The following ZFHX3 variants were observed in gnomAD, a reference collection of about 807,000 sequenced individuals.
ZFHX3 encodes the protein zinc finger homeobox protein 3.
ZFHX3 carries 42 observed loss-of-function variants against 279.1 expected under a neutral mutation model. That is an observed-to-expected ratio of 0.15 (90% CI 0.12 to 0.19). The LOEUF (loss-of-function observed/expected upper bound fraction) is 0.19. ZFHX3 is among the 10% of genes least tolerant of loss of function. The probability of loss-of-function intolerance (pLI) is 1.00; values close to 1 mark genes in which losing one functional copy is unlikely to be tolerated. For synonymous variants in ZFHX3, 2,293 were observed against 1,957.8 expected (o/e 1.17, Z -4.52); for missense variants, 4,981 against 4,754.0 (o/e 1.05, Z -1.40).
In ZFHX3 at chr16:72,787,722, G is replaced by GCCGCCGCCGCCA. The variant is rs1555515345; in HGVS notation, c.10553_10554insTGGCGGCGGCGG (p.Gly3524_Gly3527dup). 8.1e-7 allele frequency: 1 copy of GCCGCCGCCGCCA among 1,229,836 alleles called. No individual in the cohort carries two copies. Among genetic ancestry groups the GCCGCCGCCGCCA allele is most frequent in the Non-Finnish European group, 1.0e-6 (1 of 977,444 alleles). 76.2% of individuals were successfully genotyped at this position (1,229,836 alleles called of 1,614,324 possible). On this transcript the variant is annotated inframe_insertion, in exon 10 of 10. Transcript: ENST00000268489. ...CGCCGCCGCCGCCGCCGCCGCCACC[G>GCCGCCGCCGCCA]CCGCCGCCGCCGCCACTGCCACCGC...
intron 4 of ZFHX3, among the ~76,000 whole-genome samples, chr16:72,879,482 A>G (rs1235264790): frequency 6.6e-6 from 1 of 152,110 alleles, no homozygotes; most frequent in African/African-American, 2.4e-5. Context: ...TTGAAGTGCA[A>G]TGGCGCGGCC....
At chr16:73,141,934 T>C (rs969356171) in intron 6 of ZFHX3, among the ~76,000 whole-genome samples, 3 of 152,198 alleles carry the variant, frequency 2.0e-5, no homozygotes, top group Non-Finnish European at 4.4e-5. Context: ...ATTTTCATTC[T>C]AACTCAGGGT....
intron 1 of ZFHX3, among the ~76,000 whole-genome samples, chr16:73,782,657 G>A (rs1486609819): frequency 2.0e-5 from 3 of 152,178 alleles, no homozygotes; most frequent in African/African-American, 7.2e-5. Context: ...TGGGCTCTGA[G>A]CAGGAGTGAC....
At chr16:72,848,546 C>T (rs1167053353) in intron 4 of ZFHX3, among the ~76,000 whole-genome samples, 1 of 152,132 alleles carries the variant, frequency 6.6e-6, no homozygotes, top group African/African-American at 2.4e-5. Context: ...GCCCTCTGGG[C>T]TGTCACCTTC....
At chr16:73,192,061 T>C (rs1237151490) in intron 5 of ZFHX3, among the ~76,000 whole-genome samples, 1 of 152,172 alleles carries the variant, frequency 6.6e-6, no homozygotes, top group Non-Finnish European at 1.5e-5. Flanking sequence ...ACTATTCAGG[T>C]TGCTTTTCTT....
intron 2 of ZFHX3, among the ~76,000 whole-genome samples, chr16:73,475,446 C>T (rs1018688298): frequency 1.3e-5 from 2 of 152,028 alleles, no homozygotes; most frequent in African/African-American, 2.4e-5. Flanking sequence ...ATTTTTTTGT[C>T]ATATCTATTT....
chr16:73,090,040 C>G (rs1966053773), intron 8 of ZFHX3, among the ~76,000 whole-genome samples: 1 of 152,232 alleles, frequency 6.6e-6, no homozygotes, highest in Non-Finnish European at 1.5e-5. Context: ...CCCCTCCAGG[C>G]TGAGGCACTT....
chr16:73,457,546 G>A (rs2143573424), intron 2 of ZFHX3, among the ~76,000 whole-genome samples: 1 of 152,310 alleles, frequency 6.6e-6, no homozygotes, highest in South Asian at 2.1e-4. Context: ...GCCGACGTGG[G>A]TGGATCACTT....
At chr16:73,863,957 C>A (rs903684020) in intron 1 of ZFHX3, among the ~76,000 whole-genome samples, 1 of 152,138 alleles carries the variant, frequency 6.6e-6, no homozygotes, top group Non-Finnish European at 1.5e-5. Context: ...AGACAAGTAC[C>A]CATCACTCCC....
chr16:73,434,225 T>C (rs1597334151), intron 3 of ZFHX3, among the ~76,000 whole-genome samples: 1 of 151,688 alleles, frequency 6.6e-6, no homozygotes, highest in Admixed American at 6.6e-5. Context: ...TGAAAATATG[T>C]GCTGCGACAC....
rs558771729 is a variant in ZFHX3, at chr16:73,836,322, T to C, written c.-1608+55329A>G. ...AACTTGAGGATGGCATTTAACATAA[T>C]GCCTACATCAGAAAAAAACTGAGTA... On this transcript the variant is annotated intron_variant, in intron 1 of 17. Transcript: ENST00000641206. Among the ~76,000 whole-genome samples, 6 of 152,272 alleles carry C rather than the reference T, an allele frequency of 3.9e-5. No homozygotes were observed. In the East Asian group the frequency reaches 1.2e-3, roughly 29 times the overall value.
intron 5 of ZFHX3, among the ~76,000 whole-genome samples, chr16:73,199,960 T>C (rs546356883): frequency 7.2e-5 from 11 of 152,370 alleles, no homozygotes; most frequent in Non-Finnish European, 1.5e-4. Context: ...GGATTTATTA[T>C]GATCTTTTAA....
intron 1 of ZFHX3, among the ~76,000 whole-genome samples, chr16:73,708,937 T>C (rs1474152595): frequency 6.6e-6 from 1 of 152,160 alleles, no homozygotes; most frequent in Non-Finnish European, 1.5e-5. Flanking sequence ...ATGATACGTA[T>C]TTATCTTCCC....
intron 5 of ZFHX3, among the ~76,000 whole-genome samples, chr16:73,148,532 G>A (rs1966878700): frequency 2.9e-5 from 4 of 139,646 alleles, no homozygotes. Context: ...CCGCAAATGC[G>A]CCTTCGTCTG....
intron 1 of ZFHX3, among the ~76,000 whole-genome samples, chr16:72,963,289 G>A (rs935476886): frequency 1.3e-5 from 2 of 152,084 alleles, no homozygotes; most frequent in Non-Finnish European, 2.9e-5. Context: ...CCTGCAGCCC[G>A]CTTCTCTGCT....
At chr16:73,380,007 G>A (rs2016792373) in intron 3 of ZFHX3, among the ~76,000 whole-genome samples, 1 of 152,144 alleles carries the variant, frequency 6.6e-6, no homozygotes, top group South Asian at 2.1e-4. Context: ...ATTCTACAAT[G>A]AAAACTGGCA....
intron 3 of ZFHX3, among the ~76,000 whole-genome samples, chr16:73,432,283 C>G (rs754470700): frequency 6.6e-6 from 1 of 152,198 alleles, no homozygotes; most frequent in Non-Finnish European, 1.5e-5. Context: ...ACATCCAAGA[C>G]TTGGCCTTGG....
intron 5 of ZFHX3, among the ~76,000 whole-genome samples, chr16:73,196,805 ATTTC>A (rs924612199): frequency 2.0e-5 from 3 of 152,146 alleles, no homozygotes; most frequent in African/African-American, 7.2e-5. Context: ...CTACCTCACT[ATTTC>A]AGCCATGCTT....
At chr16:73,884,994 C>T (rs1567439978) in intron 1 of ZFHX3, among the ~76,000 whole-genome samples, 1 of 152,116 alleles carries the variant, frequency 6.6e-6, no homozygotes, top group Non-Finnish European at 1.5e-5. Flanking sequence ...CCAGTTATAG[C>T]AATGCTTTTC....
Sources: gnomAD v4.1 joint callset for allele counts (sites outside exome capture counted in the v4.1 genomes callset) on GRCh38, gnomAD v4.1.1 for gene constraint, MANE v1.5 for transcripts, NCBI Gene and HGNC (gene_info 2026-07-23, HGNC 2026-07-21) for gene names.